Variants in GPD1L observed in about 807,000 individuals in gnomAD.
GPD1L encodes glycerol-3-phosphate dehydrogenase 1-like protein.
A neutral mutation model predicts 32.9 loss-of-function variants in GPD1L; 17 were observed. The ratio of observed to expected loss-of-function variants is 0.52; its 90% confidence interval spans 0.35 to 0.78. The LOEUF (loss-of-function observed/expected upper bound fraction) is 0.78. Ranked by LOEUF, GPD1L falls within the 30% of genes least tolerant of loss-of-function variation. GPD1L has a pLI of 0.01. For synonymous variants in GPD1L, 187 were observed against 165.9 expected (o/e 1.13, Z -0.98); for missense variants, 361 against 447.8 (o/e 0.81, Z 1.75).
chr3:32,116,268 G>A (rs987076221), intron 1 of GPD1L, among the ~76,000 whole-genome samples: 5 of 152,184 alleles, frequency 3.3e-5, no homozygotes, highest in African/African-American at 1.2e-4. Flanking sequence ...GGATAAATTT[G>A]CATTATCACA....
At chr3:32,148,846 C>T (rs766181881) in intron 5 of GPD1L, among the ~76,000 whole-genome samples, 4 of 152,138 alleles carry the variant, frequency 2.6e-5, no homozygotes, top group African/African-American at 7.2e-5. Context: ...TTTTTCCCCC[C>T]GACTATAACA....
intron 6 of GPD1L, 139 bp from the exon 7 acceptor site, chr3:32,159,429 G>A (rs558410316): frequency 2.6e-4 from 179 of 676,782 alleles, no homozygotes; most frequent in Non-Finnish European, 3.9e-4. Context: ...CCGCAAGTTC[G>A]AGGCCAGCCT....
intron 5 of GPD1L, among the ~76,000 whole-genome samples, chr3:32,148,778 G>C (rs921622502): frequency 1.2e-4 from 18 of 152,174 alleles, no homozygotes; most frequent in Non-Finnish European, 2.5e-4. Context: ...ATCAGAGCCT[G>C]CCAGAGCAAG....
chr3:32,144,098 A>G (rs1214298043), intron 4 of GPD1L, among the ~76,000 whole-genome samples: 3 of 152,346 alleles, frequency 2.0e-5, no homozygotes, highest in East Asian at 3.9e-4. Flanking sequence ...TGTGGATTAT[A>G]TGTTAGATAA....
At chr3:32,158,339 T>A (rs1701022627) in intron 5 of GPD1L, 1 of 174,822 alleles carries the variant, frequency 5.7e-6, no homozygotes, top group East Asian at 1.5e-4. Flanking sequence ...ACATCTATGC[T>A]GTGAGAAGTG....
intron 4 of GPD1L, among the ~76,000 whole-genome samples, chr3:32,144,611 C>T (rs758071192): frequency 9.2e-5 from 14 of 152,238 alleles, no homozygotes; most frequent in East Asian, 5.8e-4. Context: ...CATGGCTGTC[C>T]GGCATTAGCT....
chr3:32,146,410 G>A (rs145506466), intron 4 of GPD1L, among the ~76,000 whole-genome samples: 261 of 152,000 alleles, frequency 1.7e-3, no homozygotes, highest in African/African-American at 5.8e-3. Context: ...ATTCACATTC[G>A]GTCAGTTAAA....
chr3:32,155,114 C>T (rs1006648604), intron 5 of GPD1L, among the ~76,000 whole-genome samples: 2 of 152,176 alleles, frequency 1.3e-5, no homozygotes, highest in Admixed American at 1.3e-4. Context: ...AAGGGTCAGG[C>T]AGGTCTTTTT....
chr3:32,130,782 G>C (rs1451992412), intron 2 of GPD1L, among the ~76,000 whole-genome samples: 1 of 152,174 alleles, frequency 6.6e-6, no homozygotes, highest in Non-Finnish European at 1.5e-5. Flanking sequence ...GGAGGCTGAG[G>C]GGGGCGGATC....
At chr3:32,134,879 G>A (rs962394788) in intron 2 of GPD1L, among the ~76,000 whole-genome samples, 1 of 152,210 alleles carries the variant, frequency 6.6e-6, no homozygotes, top group African/African-American at 2.4e-5. Context: ...TGATGAATAC[G>A]CTTTCATTTG....
intron 2 of GPD1L, among the ~76,000 whole-genome samples, chr3:32,130,110 C>T (rs1314048649): frequency 6.6e-6 from 1 of 152,030 alleles, no homozygotes; most frequent in Non-Finnish European, 1.5e-5. Flanking sequence ...CTGAGTGGTT[C>T]TGTGAAGCTG....
chr3:32,114,679 A>T (rs1258877224), intron 1 of GPD1L, among the ~76,000 whole-genome samples: 1 of 152,190 alleles, frequency 6.6e-6, no homozygotes, highest in Non-Finnish European at 1.5e-5. Flanking sequence ...GGTCTCGCTG[A>T]CTTCGAGAAT....
intron 2 of GPD1L, among the ~76,000 whole-genome samples, chr3:32,137,334 G>C (rs1257942984): frequency 6.6e-6 from 1 of 152,226 alleles, no homozygotes; most frequent in East Asian, 1.9e-4. Context: ...TTTGTGGTTG[G>C]TGTAGCATCA....
At position 32,168,453 on chromosome 3, in the gene GPD1L, C is replaced by A. The variant is rs1371475591; in HGVS notation, c.*2543C>A. On this transcript the variant is annotated 3_prime_UTR_variant, in exon 8 of 8. Coordinates refer to ENST00000282541, the MANE Select transcript of GPD1L (RefSeq NM_015141.4). ...CCCTCCTATAATATGGAACAAATATCTGAATGAAATCCACCCTAGGAGACG... is the reference window on the plus strand; with the variant it reads ...CCCTCCTATAATATGGAACAAATATATGAATGAAATCCACCCTAGGAGACG... The A allele has an allele frequency of 6.6e-6, 1 of 152,638 alleles. No homozygotes were observed. The highest frequency in any genetic ancestry group is 1.5e-5 in the Non-Finnish European group (1 of 68,048). The allele number at this position is 152,638 out of a possible 1,614,324, so 9.5% of individuals were successfully genotyped here. A position where few individuals can be genotyped will look rare whatever the true frequency, so the allele number is the denominator to read the frequency against.
At chr3:32,111,264 A>T (rs1394819557) in intron 1 of GPD1L, among the ~76,000 whole-genome samples, 1 of 152,242 alleles carries the variant, frequency 6.6e-6, no homozygotes, top group East Asian at 1.9e-4. Context: ...ATTTACAGCC[A>T]AACCCTTGTG....
At chr3:32,141,174 T>C (rs1700737151) in intron 4 of GPD1L, among the ~76,000 whole-genome samples, 1 of 152,220 alleles carries the variant, frequency 6.6e-6, no homozygotes, top group Non-Finnish European at 1.5e-5. Flanking sequence ...CTCTGAGAGA[T>C]GTCAGGCTCT....
chr3:32,159,540 T>C (rs2125498271), intron 6 of GPD1L, 28 bp from the exon 7 acceptor site: 2 of 1,277,846 alleles, frequency 1.6e-6, no homozygotes, highest in East Asian at 2.3e-5. Flanking sequence ...CCATAGTTTT[T>C]TTAAATATAT....
chr3:32,106,781 C>T lies in GPD1L; in HGVS notation c.47+23C>T. ...CTGGTGAGCGGCGGCGGGCTGGAGG[C>T]CGGGGCTCCGCTTCCAGGAAGCGCC... On this transcript the variant is annotated intron_variant, in intron 1 of 7. Transcript: ENST00000282541. This position sits in a 1 kb window ranked among gnomAD's most constrained non-coding sequence, Gnocchi z 4.0. 1 of 1,551,540 alleles carries T rather than the reference C, an allele frequency of 6.4e-7. No homozygotes were observed. Among genetic ancestry groups the T allele is most frequent in the East Asian group, 2.6e-5 (1 of 38,988 alleles).
At chr3:32,164,737 A>G (rs1192620001) in intron 7 of GPD1L, among the ~76,000 whole-genome samples, 1 of 152,204 alleles carries the variant, frequency 6.6e-6, no homozygotes, top group Non-Finnish European at 1.5e-5. Context: ...TAAAAAAACT[A>G]CAATGAAGAA....
Sources: gnomAD v4.1 joint callset for allele counts (sites outside exome capture counted in the v4.1 genomes callset) on GRCh38, gnomAD v4.1.1 for gene constraint, Gnocchi (gnomAD v3.1) non-coding constraint, MANE v1.5 for transcripts, NCBI Gene and HGNC (gene_info 2026-07-23, HGNC 2026-07-21) for gene names.